MED1: variants seen among roughly 807,000 people sequenced by gnomAD.
The protein encoded by MED1 is mediator complex subunit 1.
Under a neutral mutation model 121.3 loss-of-function variants are expected in MED1, and 17 were observed. That is an observed-to-expected ratio of 0.14 (90% CI 0.10 to 0.21). The LOEUF (loss-of-function observed/expected upper bound fraction) is 0.21, where lower values mean the gene tolerates loss of function less well. Among genes scored for constraint, MED1 ranks in the 10% least tolerant of loss-of-function variants. The probability of loss-of-function intolerance (pLI) is 1.00; values close to 1 mark genes in which losing one functional copy is unlikely to be tolerated. For missense variants in MED1, 1,558 were observed against 1,919.4 expected (o/e 0.81, Z 3.52); for synonymous variants, 661 against 694.4 (o/e 0.95, Z 0.76).
chr17:39,449,262 C>A (rs2048758836), intron 1 of MED1, among the ~76,000 whole-genome samples: 1 of 152,126 alleles, frequency 6.6e-6, no homozygotes. Context: ...CTCACTGGAG[C>A]CTTGACCTAC....
chr17:39,409,955 C>T lies in MED1; in HGVS notation c.2266G>A (p.Val756Ile), dbSNP rs1139828. Residue 756 changes from valine to isoleucine, a missense_variant, in exon 17 of 17, where the codon GTA (valine) becomes ATA (isoleucine). Coordinates refer to ENST00000300651, the MANE Select transcript of MED1 (RefSeq NM_004774.4). ...STPPTTYPQP[V>I]PHPQPSIQRM... ...TGAATACTGGGTTGGGGGTGAGGTA[C>T]TGGTTGTGGGTAAGTTGTTGGGGGA... 5 of 1,613,830 alleles carry T rather than the reference C, an allele frequency of 3.1e-6. No homozygotes were observed. The African/African-American group carries it at 5.3e-5, about 17-fold the overall frequency.
intron 10 of MED1, 22 bp from the exon 11 acceptor site, chr17:39,424,760 G>A: frequency 7.2e-7 from 1 of 1,384,828 alleles, no homozygotes; most frequent in Non-Finnish European, 1.0e-6. Context: ...AAAGAAAAAG[G>A]GTATTCCTCA....
chr17:39,414,710 G>C (rs923615282), intron 16 of MED1, among the ~76,000 whole-genome samples: 1 of 129,316 alleles, frequency 7.7e-6, no homozygotes, highest in African/African-American at 3.1e-5. Context: ...TTGCTCTGTC[G>C]TCAGGCTGGA....
intron 1 of MED1, among the ~76,000 whole-genome samples, chr17:39,450,621 C>T (rs1025862628): frequency 2.0e-5 from 3 of 152,170 alleles, no homozygotes; most frequent in African/African-American, 7.2e-5. Flanking sequence ...AGGATCTGAA[C>T]ACTTGACATT....
At chr17:39,442,951 T>A (rs2144769906) in intron 3 of MED1, among the ~76,000 whole-genome samples, 1 of 145,822 alleles carries the variant, frequency 6.9e-6, no homozygotes, top group Non-Finnish European at 1.5e-5. Context: ...TTATCGAGAT[T>A]AATCAGAAAT....
chr17:39,415,814 CAAAAAAAAAAAAA>C (rs61614470), intron 14 of MED1, among the ~76,000 whole-genome samples: 10 of 40,634 alleles, frequency 2.5e-4, no homozygotes, highest in Non-Finnish European at 3.8e-4. Context: ...GACTCCATCT[CAAAAAAAAAAAAA>C]AAAAAAAAAA....
intron 5 of MED1, among the ~76,000 whole-genome samples, chr17:39,439,635 G>A (rs2048652543): frequency 6.6e-6 from 1 of 152,060 alleles, no homozygotes; most frequent in Non-Finnish European, 1.5e-5. Context: ...CATGTTTGTT[G>A]ATATGAAATG....
At position 39,405,342 on chromosome 17, in the gene MED1, C is replaced by T; in HGVS notation, c.*2133G>A. The T allele has an allele frequency of 1.9e-6, 3 of 1,591,796 alleles. No homozygotes were observed. The highest frequency in any genetic ancestry group is 2.6e-6 in the Non-Finnish European group (3 of 1,169,122). ...AAGACAGAAAGAGAGAAAAGCTTCCCAGTTTACTCATTTTGGTATTTGTTG... is the reference window on the plus strand; with the variant it reads ...AAGACAGAAAGAGAGAAAAGCTTCCTAGTTTACTCATTTTGGTATTTGTTG... On this transcript the variant is annotated 3_prime_UTR_variant, in exon 17 of 17. Transcript: ENST00000300651.
rs1228339076 is a variant in MED1 at position 39,410,311 on chromosome 17, C to G, written c.1910G>C (p.Gly637Ala). Residue 637 changes from glycine (G) to alanine (A), a missense_variant, in exon 17 of 17, where the codon GGC (glycine) becomes GCC (alanine). By Grantham distance (60) the Gly-to-Ala change is moderately conservative. Around this residue, in one of 5 missense-constraint regions of MED1, gnomAD observed 793 missense variants for 898.2 expected, o/e 0.88. Transcript: ENST00000300651. ...GAGCATCGGGTGGTTCTTGGTGTTG[C>G]CGGCCATCGAAGAGACAGGTGGCGG... is the stretch of plus-strand genomic sequence containing the variant. ...HTPPPVSSMA[G>A]NTKNHPMLMN... The G allele has an allele frequency of 1.2e-6, 2 of 1,613,590 alleles. No individual in the cohort carries two copies. Among genetic ancestry groups the G allele is most frequent in the Admixed American group, 3.3e-5 (2 of 59,934 alleles).
intron 5 of MED1, among the ~76,000 whole-genome samples, chr17:39,439,656 C>T (rs890194003): frequency 2.0e-5 from 3 of 152,040 alleles, no homozygotes; most frequent in African/African-American, 7.2e-5. Flanking sequence ...AAAAGGGTTC[C>T]TGCCGGTGCA....
intron 6 of MED1, among the ~76,000 whole-genome samples, chr17:39,437,996 G>C (rs747661112): frequency 6.6e-6 from 1 of 151,644 alleles, no homozygotes; most frequent in Non-Finnish European, 1.5e-5. Flanking sequence ...AGTGAGCCGA[G>C]ACCGCACCAT....
Position 39,419,786 on chromosome 17 carries a change from G to A in MED1, c.1228C>T (p.Leu410=), listed in dbSNP as rs2048444130. 1 of 1,613,970 alleles carries A rather than the reference G, an allele frequency of 6.2e-7. No homozygotes were observed. Among genetic ancestry groups the A allele is most frequent in the Non-Finnish European group, 8.5e-7 (1 of 1,179,962 alleles). ...HPGRVPLILN[L]IRHQVAYNTL... is the part of the protein sequence containing the mutation. The stretch of plus-strand genomic sequence containing the variant: ...TTATAGGCCACTTGGTGTCTGATCA[G>A]ATTTAGGATAAGAGGAACTCGGCCA... Residue 410 remains leucine, a synonymous_variant, in exon 14 of 17, where the codon CTG becomes TTG. Coordinates refer to ENST00000300651, the MANE Select transcript of MED1 (RefSeq NM_004774.4).
chr17:39,408,653 T>C lies in MED1; in HGVS notation c.3568A>G (p.Asn1190Asp). 5 of 1,614,082 alleles carry C rather than the reference T, an allele frequency of 3.1e-6. No homozygotes were observed. Among genetic ancestry groups the C allele is most frequent in the Non-Finnish European group, 4.2e-6 (5 of 1,180,004 alleles). ...SLMNPSLSKP[N>D]ISPSHSRPPG... ...GGCCTTGAATGAGAAGGGGATATGT[T>C]TGGTTTACTTAAAGAAGGATTCATA... is the stretch of plus-strand genomic sequence containing the variant. The change falls in exon 17 of 17, where the codon AAC (asparagine) becomes GAC (aspartate). Residue 1190 changes from asparagine to aspartate, a missense_variant. Physicochemically the swap from Asn to Asp is conservative, Grantham distance 23. Around this residue, in one of 5 missense-constraint regions of MED1, gnomAD observed 793 missense variants for 898.2 expected, o/e 0.88. Coordinates refer to ENST00000300651, the MANE Select transcript of MED1 (RefSeq NM_004774.4). The surrounding 1 kb of genome is among the most constrained non-coding windows in gnomAD (Gnocchi z 4.7).
intron 14 of MED1, among the ~76,000 whole-genome samples, chr17:39,419,151 A>G (rs544285749): frequency 1.3e-5 from 2 of 151,794 alleles, no homozygotes; most frequent in African/African-American, 4.8e-5. Flanking sequence ...GTGCAATCTG[A>G]GCTCACTGCA....
Position 39,424,705 on chromosome 17 carries a change from G to C in MED1, c.773C>G (p.Thr258Arg). 1 of 1,611,002 alleles carries C rather than the reference G, an allele frequency of 6.2e-7. No individual in the cohort carries two copies. Residue 258 changes from threonine to arginine, a missense_variant, in exon 11 of 17, where the codon ACA becomes AGA. Coordinates refer to ENST00000300651, the MANE Select transcript of MED1 (RefSeq NM_004774.4). ...GTACACAGCAGATGTTCCTTCAATT[G>C]TCACTGATGCATTCATGCCCAAAGA... ...SRSLGMNASV[T>R]IEGTSAVYKL...
In MED1 at chr17:39,406,616, G is replaced by A. The variant is rs1567916264; in HGVS notation, c.*859C>T. ...TTACAAGTCAATACCTCCACAGAGA[G>A]GTAACTCCTAATATTCCTATGATCT... On this transcript the variant is annotated 3_prime_UTR_variant, in exon 17 of 17. Transcript: ENST00000300651. 1 of 983,094 alleles carries A rather than the reference G, an allele frequency of 1.0e-6. No homozygotes were observed. Among genetic ancestry groups the A allele is most frequent in the Non-Finnish European group, 1.2e-6 (1 of 829,140 alleles). The allele number at this position is 983,094 out of a possible 1,614,324, so 60.9% of individuals were successfully genotyped here. A position where few individuals can be genotyped will look rare whatever the true frequency, so the allele number is the denominator to read the frequency against.
intron 7 of MED1, among the ~76,000 whole-genome samples, chr17:39,433,020 A>G (rs2048582098): frequency 1.3e-5 from 2 of 152,130 alleles, no homozygotes; most frequent in Non-Finnish European, 2.9e-5. Flanking sequence ...CCTGGCCAAG[A>G]TGGTGAAACC....
chr17:39,419,645 G>T, intron 14 of MED1, 72 bp downstream of exon 14: 1 of 1,448,062 alleles, frequency 6.9e-7, no homozygotes, highest in Non-Finnish European at 9.6e-7. Context: ...ATTCTGATGG[G>T]CCACCAATTA....
chr17:39,432,585 T>C (rs1394461643), intron 7 of MED1, among the ~76,000 whole-genome samples: 2 of 146,326 alleles, frequency 1.4e-5, no homozygotes, highest in South Asian at 2.2e-4. Context: ...CCGTCTCTAA[T>C]AAAATACAAA....
Sources: allele counts gnomAD v4.1 joint callset (sites outside exome capture counted in the v4.1 genomes callset), GRCh38; gene constraint gnomAD v4.1.1; regional missense constraint gnomAD v4.1.1; non-coding constraint Gnocchi (gnomAD v3.1); transcripts MANE v1.5; gene names NCBI Gene and HGNC (gene_info 2026-07-23, HGNC 2026-07-21).